DIP2B: variants seen among roughly 807,000 people sequenced by gnomAD.
The protein encoded by DIP2B is disco-interacting protein 2 homolog B.
A neutral mutation model predicts 198.0 loss-of-function variants in DIP2B; 76 were observed. The ratio of observed to expected loss-of-function variants is 0.38; its 90% CI spans 0.32 to 0.46. The LOEUF (loss-of-function observed/expected upper bound fraction) is 0.46. Ranked by LOEUF, DIP2B falls within the 20% of genes least tolerant of loss-of-function variation. The pLI is 0.99. For missense variants in DIP2B, 1,559 were observed against 1,978.4 expected, an observed-to-expected ratio of 0.79 and a Z score of 4.02; for synonymous variants, 701 against 739.1, an observed-to-expected ratio of 0.95 and a Z score of 0.84.
chr12:50,686,836 G>GTGGA (rs1281292112), intron 12 of DIP2B, 154 bp downstream of exon 12: 21 of 623,620 alleles, frequency 3.4e-5, no homozygotes, highest in Non-Finnish European at 5.7e-5. Flanking sequence ...ATGCCTTGTA[G>GTGGA]TGGATCTTCT....
intron 1 of DIP2B, among the ~76,000 whole-genome samples, chr12:50,515,827 A>G (rs567409466): frequency 1.3e-5 from 2 of 152,134 alleles, no homozygotes; most frequent in African/African-American, 4.8e-5. Context: ...CCCCCATGCT[A>G]ACTTGGTAAG....
intron 1 of DIP2B, among the ~76,000 whole-genome samples, chr12:50,620,545 C>T (rs1297786070): frequency 6.6e-6 from 1 of 152,150 alleles, no homozygotes; most frequent in African/African-American, 2.4e-5. Context: ...GGCTCTATGC[C>T]TGCCTCCACT....
At chr12:50,631,658 C>A (rs1262924008) in intron 2 of DIP2B, among the ~76,000 whole-genome samples, 1 of 152,212 alleles carries the variant, frequency 6.6e-6, no homozygotes, top group Non-Finnish European at 1.5e-5. Context: ...GTCTCGAACT[C>A]TTGGCCTCAA....
chr12:50,518,962 T>C (rs1292121429), intron 1 of DIP2B, among the ~76,000 whole-genome samples: 1 of 152,138 alleles, frequency 6.6e-6, no homozygotes, highest in East Asian at 1.9e-4. Flanking sequence ...CAGGCTGGTC[T>C]TGAACTCCCG....
At chr12:50,655,991 C>A (rs1214678865) in intron 3 of DIP2B, among the ~76,000 whole-genome samples, 1 of 151,840 alleles carries the variant, frequency 6.6e-6, no homozygotes, top group African/African-American at 2.4e-5. Context: ...AAAAAATAAA[C>A]AATTTTTAAA....
intron 35 of DIP2B, among the ~76,000 whole-genome samples, chr12:50,738,508 G>A (rs1393248653): frequency 3.3e-5 from 5 of 151,994 alleles, no homozygotes; most frequent in African/African-American, 4.8e-5. Flanking sequence ...TTCTGAGACA[G>A]TGTATTGCTC....
chr12:50,690,329 G>A (rs758635564), intron 12 of DIP2B, among the ~76,000 whole-genome samples: 9 of 152,114 alleles, frequency 5.9e-5, no homozygotes, highest in African/African-American at 9.7e-5. Flanking sequence ...CTTGTGATCC[G>A]CCCACCTTGG....
chr12:50,731,336 T>C (rs889690506), intron 30 of DIP2B, 33 bp from the exon 31 acceptor site: 2 of 1,601,948 alleles, frequency 1.2e-6, no homozygotes, highest in Non-Finnish European at 1.7e-6. Context: ...CAGGATGAAT[T>C]GATGATTCCA....
At chr12:50,638,892 T>C (rs527511774) in intron 2 of DIP2B, among the ~76,000 whole-genome samples, 54 of 151,682 alleles carry the variant, frequency 3.6e-4, no homozygotes, top group Non-Finnish European at 5.1e-4. Flanking sequence ...ATTTACATTA[T>C]ATACCAGTTG....
At chr12:50,567,284 A>C (rs1465603831) in intron 1 of DIP2B, among the ~76,000 whole-genome samples, 1 of 152,240 alleles carries the variant, frequency 6.6e-6, no homozygotes, top group Non-Finnish European at 1.5e-5. Context: ...AATACAAAGA[A>C]ATTGACATTG....
chr12:50,514,974 A>AC (rs1179269589), intron 1 of DIP2B, among the ~76,000 whole-genome samples: 2 of 151,504 alleles, frequency 1.3e-5, no homozygotes, highest in Non-Finnish European at 2.9e-5. Context: ...CTTTAAAAAA[A>AC]ACACACACAA....
chr12:50,517,141 G>A (rs1230869835), intron 1 of DIP2B, among the ~76,000 whole-genome samples: 1 of 151,896 alleles, frequency 6.6e-6, no homozygotes, highest in African/African-American at 2.4e-5. Context: ...GGATGGTCTC[G>A]ATCTTCTGAC....
chr12:50,567,100 T>C (rs899700980), intron 1 of DIP2B, among the ~76,000 whole-genome samples: 1 of 152,224 alleles, frequency 6.6e-6, no homozygotes, highest in Non-Finnish European at 1.5e-5. Flanking sequence ...GTGATCTTTT[T>C]ATTTGACACA....
chr12:50,659,712 G>A (rs571264607), intron 3 of DIP2B, among the ~76,000 whole-genome samples: 2 of 152,216 alleles, frequency 1.3e-5, no homozygotes, highest in East Asian at 3.9e-4. Context: ...TTCTCTTCCT[G>A]TGGCATAGAA....
intron 3 of DIP2B, among the ~76,000 whole-genome samples, chr12:50,655,210 A>T (rs1938533993): frequency 6.6e-6 from 1 of 152,236 alleles, no homozygotes; most frequent in Non-Finnish European, 1.5e-5. Flanking sequence ...GAGCTGAAAG[A>T]GAATGATTTC....
At chr12:50,741,221 A>G (rs559881423) in intron 36 of DIP2B, among the ~76,000 whole-genome samples, 195 bp from the exon 37 acceptor site, 11 of 152,352 alleles carry the variant, frequency 7.2e-5, no homozygotes, top group African/African-American at 2.6e-4. Context: ...AAATCCTCAC[A>G]GCAGCCATTG....
chr12:50,720,525 A>C (rs1203260891), intron 25 of DIP2B, among the ~76,000 whole-genome samples: 1 of 151,996 alleles, frequency 6.6e-6, no homozygotes, highest in African/African-American at 2.4e-5. Context: ...AAGAACCATT[A>C]CTTTTATGAC....
chr12:50,617,794 G>C (rs1473847954), intron 1 of DIP2B, among the ~76,000 whole-genome samples: 1 of 152,160 alleles, frequency 6.6e-6, no homozygotes, highest in East Asian at 1.9e-4. Flanking sequence ...GGGCAACAGA[G>C]AGAGACTCCA....
intron 11 of DIP2B, 45 bp from the exon 12 acceptor site, chr12:50,686,528 C>T (rs376187682): frequency 4.6e-4 from 723 of 1,570,888 alleles, no homozygotes; most frequent in Non-Finnish European, 6.1e-4. Context: ...GAATTCATTC[C>T]CTGATGGCTT....
Sources: gnomAD v4.1 joint callset for allele counts (sites outside exome capture counted in the v4.1 genomes callset) on GRCh38, gnomAD v4.1.1 for gene constraint, MANE v1.5 for transcripts, NCBI Gene and HGNC (gene_info 2026-07-23, HGNC 2026-07-21) for gene names.